SCLT1: variants seen among roughly 807,000 people sequenced by gnomAD.
SCLT1 encodes the protein sodium channel-associated protein 1.
A neutral mutation model predicts 112.8 loss-of-function variants in SCLT1; 78 were observed. The ratio of observed to expected loss-of-function variants is 0.69; its 90% CI spans 0.58 to 0.83. SCLT1 has a LOEUF of 0.83. Ranked by LOEUF, SCLT1 falls within the 40% of genes least tolerant of loss-of-function variation. The pLI is 0.00. For synonymous variants in SCLT1, 257 were observed against 254.7 expected, an observed-to-expected ratio of 1.01 and a Z score of -0.09; for missense variants, 747 against 770.4, an observed-to-expected ratio of 0.97 and a Z score of 0.36.
At chr4:128,973,331 T>C (rs1421612570) in intron 9 of SCLT1, among the ~76,000 whole-genome samples, 1 of 151,938 alleles carries the variant, frequency 6.6e-6, no homozygotes, top group Non-Finnish European at 1.5e-5. Flanking sequence ...TCACATCTTA[T>C]TAATTTTTAA....
chr4:129,016,433 T>C lies in SCLT1; in HGVS notation c.291-12557A>G, dbSNP rs951884294. Among the ~76,000 whole-genome samples, 4 of 152,318 alleles carry C rather than the reference T, an allele frequency of 2.6e-5. No individual in the cohort carries two copies. The East Asian group carries it at 7.7e-4, about 29-fold the overall frequency. On this transcript the variant is annotated intron_variant, in intron 5 of 20. Coordinates refer to ENST00000281142, the MANE Select transcript of SCLT1 (RefSeq NM_144643.4). Reference sequence around the variant, plus strand: ...GAACACGTGGTGTTTAGTTTTCTGTTGGTAAAGCAGTTTTTTAAAGGCCAA... The same window carrying C: ...GAACACGTGGTGTTTAGTTTTCTGTCGGTAAAGCAGTTTTTTAAAGGCCAA...
chr4:128,963,433 T>C (rs943153055), intron 11 of SCLT1, among the ~76,000 whole-genome samples: 1 of 152,166 alleles, frequency 6.6e-6, no homozygotes, highest in Non-Finnish European at 1.5e-5. Flanking sequence ...AAACACTGGC[T>C]GGTACAACAG....
rs540513289 is a variant in SCLT1 at position 129,036,237 on chromosome 4, G to A, written c.290+2804C>T. On this transcript the variant is annotated intron_variant, in intron 5 of 20. Transcript: ENST00000281142. ...ATCCATTTTTTTACACTTTCCTATT[G>A]TACTAGGAATAAACATACTCATGAG... Among the ~76,000 whole-genome samples the A allele has an allele frequency of 1.3e-4, 19 of 151,918 alleles. No homozygotes were observed. In the Middle Eastern group the frequency reaches 0.02, roughly 163 times the overall value.
rs1355061565 is a variant in SCLT1, at chr4:128,992,158, T to G, written c.686+9A>C. On this transcript the variant is annotated intron_variant, in intron 9 of 20. Coordinates refer to ENST00000281142, the MANE Select transcript of SCLT1 (RefSeq NM_144643.4). The stretch of plus-strand genomic sequence containing the variant: ...ACAATGAAATAATGAAACTCATTTT[T>G]GAAAATACCTAAGTTTTTTTCGGAG... 5 of 1,537,302 alleles carry G rather than the reference T, an allele frequency of 3.3e-6. No homozygotes were observed. The highest frequency in any genetic ancestry group is 1.4e-5 in the African/African-American group (1 of 73,196).
intron 5 of SCLT1, among the ~76,000 whole-genome samples, chr4:129,019,725 C>T (rs1352327079): frequency 6.6e-6 from 1 of 151,784 alleles, no homozygotes; most frequent in Non-Finnish European, 1.5e-5. Flanking sequence ...CCTCACCTCA[C>T]CTGACAGATT....
chr4:128,911,299 C>T (rs1735078952), intron 18 of SCLT1, among the ~76,000 whole-genome samples: 1 of 152,060 alleles, frequency 6.6e-6, no homozygotes, highest in Admixed American at 6.6e-5. Context: ...AATAAAATAA[C>T]AACAATCTCT....
chr4:129,039,932 A>ACAC, intron 4 of SCLT1: 2 of 439,928 alleles, frequency 4.5e-6, no homozygotes, highest in Non-Finnish European at 8.4e-6. Context: ...ACACACACAC[A>ACAC]AAACCCTGAA....
chr4:129,070,034 TTC>T (rs1750853087), intron 2 of SCLT1, among the ~76,000 whole-genome samples: 1 of 152,180 alleles, frequency 6.6e-6, no homozygotes, highest in Non-Finnish European at 1.5e-5. Context: ...CTGTTTTTAA[TTC>T]TGTTTATGTT....
intron 9 of SCLT1, among the ~76,000 whole-genome samples, chr4:128,988,110 A>C (rs1293505883): frequency 6.6e-6 from 1 of 152,180 alleles, no homozygotes; most frequent in Non-Finnish European, 1.5e-5. Context: ...ATTAGTAACA[A>C]GAAATCATCT....
At chr4:128,973,071 T>C (rs1253571308) in intron 9 of SCLT1, among the ~76,000 whole-genome samples, 2 of 143,388 alleles carry the variant, frequency 1.4e-5, no homozygotes, top group Non-Finnish European at 3.2e-5. Context: ...TTTTCACATG[T>C]TTGGCTGGAC....
intron 2 of SCLT1, among the ~76,000 whole-genome samples, chr4:129,058,379 T>G (rs1019778338): frequency 6.6e-6 from 1 of 152,188 alleles, no homozygotes; most frequent in Non-Finnish European, 1.5e-5. Flanking sequence ...TTACCTCTTT[T>G]GCTGTATCCC....
At chr4:128,961,306 A>G (rs1003003423) in intron 11 of SCLT1, among the ~76,000 whole-genome samples, 2 of 152,164 alleles carry the variant, frequency 1.3e-5, no homozygotes, top group East Asian at 1.9e-4. Context: ...GGCCAGTTGT[A>G]TGAATACCAT....
At chr4:128,931,093 G>A (rs1342547321) in intron 18 of SCLT1, among the ~76,000 whole-genome samples, 1 of 151,482 alleles carries the variant, frequency 6.6e-6, no homozygotes, top group East Asian at 1.9e-4. Context: ...GCATCTAAAA[G>A]CCAATAAGGG....
chr4:128,920,697 G>T (rs1735815372), intron 18 of SCLT1, among the ~76,000 whole-genome samples: 2 of 152,162 alleles, frequency 1.3e-5, no homozygotes, highest in Admixed American at 6.5e-5. Context: ...TAGACCCACA[G>T]ATAACATTGT....
intron 2 of SCLT1, among the ~76,000 whole-genome samples, chr4:129,055,638 A>G (rs1284867792): frequency 6.6e-6 from 1 of 152,066 alleles, no homozygotes; most frequent in Non-Finnish European, 1.5e-5. Flanking sequence ...AAGCTCGTTC[A>G]TCCCAGGTGG....
intron 5 of SCLT1, among the ~76,000 whole-genome samples, chr4:129,025,246 G>C (rs1745932480): frequency 6.6e-6 from 1 of 151,632 alleles, no homozygotes; most frequent in South Asian, 2.1e-4. Flanking sequence ...ACACATAATT[G>C]TCAGATTCAC....
intron 5 of SCLT1, among the ~76,000 whole-genome samples, chr4:129,033,879 C>T (rs1746961396): frequency 6.6e-6 from 1 of 151,984 alleles, no homozygotes; most frequent in Non-Finnish European, 1.5e-5. Flanking sequence ...CATATAGAAA[C>T]CAGGTTAGTT....
At chr4:129,069,525 G>A (rs751452815) in intron 2 of SCLT1, among the ~76,000 whole-genome samples, 13 of 151,962 alleles carry the variant, frequency 8.6e-5, no homozygotes, top group Non-Finnish European at 1.5e-4. Context: ...TTGCAGCTTT[G>A]TAAAAGGGGT....
chr4:128,921,537 A>T (rs372611080), intron 18 of SCLT1, among the ~76,000 whole-genome samples: 1 of 152,200 alleles, frequency 6.6e-6, no homozygotes, highest in South Asian at 2.1e-4. Flanking sequence ...CAAAGTAGAC[A>T]AAAACAAGTA....
Sources: allele counts gnomAD v4.1 joint callset (sites outside exome capture counted in the v4.1 genomes callset), GRCh38; gene constraint gnomAD v4.1.1; transcripts MANE v1.5; gene names NCBI Gene and HGNC (gene_info 2026-07-23, HGNC 2026-07-21).